FLI1: variants seen among roughly 807,000 people sequenced by gnomAD.
FLI1 encodes Friend leukemia integration 1 transcription factor.
FLI1 carries 13 observed loss-of-function variants against 53.1 expected under a neutral mutation model. The ratio of observed to expected loss-of-function variants is 0.24; its 90% CI spans 0.16 to 0.39. The LOEUF (loss-of-function observed/expected upper bound fraction) is 0.39. Among genes scored for constraint, FLI1 ranks in the 10% least tolerant of loss-of-function variants. The pLI, the probability that FLI1 is intolerant of heterozygous loss-of-function variation, is 1.00. For synonymous variants in FLI1, 244 were observed against 236.7 expected (o/e 1.03, Z -0.28); for missense variants, 424 against 600.5 (o/e 0.71, Z 3.07).
At chr11:128,774,415 G>T (rs1445037437) in intron 4 of FLI1, among the ~76,000 whole-genome samples, 1 of 152,184 alleles carries the variant, frequency 6.6e-6, no homozygotes, top group South Asian at 2.1e-4. Flanking sequence ...CAGAGCTTTG[G>T]ATAATTAGCA....
chr11:128,799,818 G>A (rs1305162624), intron 5 of FLI1, among the ~76,000 whole-genome samples: 1 of 152,182 alleles, frequency 6.6e-6, no homozygotes, highest in African/African-American at 2.4e-5. Flanking sequence ...GGAACGCTTA[G>A]AGGAGAGCAG....
chr11:128,799,025 A>T (rs1467188631), intron 5 of FLI1, among the ~76,000 whole-genome samples: 3 of 130,306 alleles, frequency 2.3e-5, no homozygotes, highest in Non-Finnish European at 4.9e-5. Context: ...TTATTATATT[A>T]TTATTATTAT....
Position 128,810,459 on chromosome 11 carries a change from G to A in FLI1, c.830G>A (p.Gly277Glu). The A allele has an allele frequency of 6.3e-7, 1 of 1,589,986 alleles. No homozygotes were observed. Among genetic ancestry groups the A allele is most frequent in the Admixed American group, 1.8e-5 (1 of 56,676 alleles). Residue 277 changes from glycine (G) to glutamate (E), a missense_variant and splice_region_variant, in exon 9 of 9, where the codon GGA (glycine) becomes GAA (glutamate). Coordinates refer to ENST00000527786, the MANE Select transcript of FLI1 (RefSeq NM_002017.5). The surrounding 1 kb of genome is among the most constrained non-coding windows in gnomAD (Gnocchi z 6.6). ...CTCCCGTTTGCCTCACGGCGTGCAG[G>A]AAGCGGGCAGATCCAGCTGTGGCAA... ...GPTSSRLANP[G>E]SGQIQLWQFL...
At chr11:128,690,393 GC>G (rs1937688722), upstream of FLI1, among the ~76,000 whole-genome samples, 1 of 152,106 alleles carries the variant, frequency 6.6e-6, no homozygotes, top group African/African-American at 2.4e-5. Flanking sequence ...AAGTGACGGA[GC>G]CACCCCTGGG....
At chr11:128,789,840 T>C (rs983973285) in intron 5 of FLI1, among the ~76,000 whole-genome samples, 1 of 152,188 alleles carries the variant, frequency 6.6e-6, no homozygotes, top group African/African-American at 2.4e-5. Context: ...TAATCTCCTG[T>C]TATTTTTAGG....
At chr11:128,794,441 C>T (rs1334690062) in intron 5 of FLI1, among the ~76,000 whole-genome samples, 4 of 152,170 alleles carry the variant, frequency 2.6e-5, no homozygotes, top group African/African-American at 7.2e-5. Context: ...TTCTCATCAA[C>T]CAAATTCTTT....
At chr11:128,697,345 A>G (rs755206394) in intron 1 of FLI1, among the ~76,000 whole-genome samples, 5 of 152,228 alleles carry the variant, frequency 3.3e-5, no homozygotes, top group Non-Finnish European at 7.3e-5. Context: ...ATAGAGAATG[A>G]ACAGTGGATT....
intron 1 of FLI1, among the ~76,000 whole-genome samples, chr11:128,746,195 TG>T (rs1940381283): frequency 6.6e-6 from 1 of 152,170 alleles, no homozygotes; most frequent in Non-Finnish European, 1.5e-5. Context: ...CTTAATTCAT[TG>T]CACACTTCTT....
At chr11:128,748,593 T>C in intron 1 of FLI1, among the ~76,000 whole-genome samples, 1 of 151,254 alleles carries the variant, frequency 6.6e-6, no homozygotes, top group East Asian at 1.9e-4. Flanking sequence ...AGATCGCGCC[T>C]CTGCACTCCA....
chr11:128,802,781 G>T (rs537966387), intron 5 of FLI1, among the ~76,000 whole-genome samples: 1 of 152,336 alleles, frequency 6.6e-6, no homozygotes, highest in South Asian at 2.1e-4. Context: ...CTTTAACCAG[G>T]CTCCATCACT....
At chr11:128,714,075 A>T in intron 1 of FLI1, among the ~76,000 whole-genome samples, 1 of 152,208 alleles carries the variant, frequency 6.6e-6, no homozygotes, top group East Asian at 1.9e-4. Context: ...CTATAGGTTA[A>T]TATGCCTTTA....
chr11:128,810,884 G>T lies in FLI1; in HGVS notation c.1255G>T (p.Ala419Ser), dbSNP rs186156572. The change falls in exon 9 of 9, where the codon GCA (alanine) becomes TCA (serine). Residue 419 changes from alanine to serine, a missense_variant. Around this residue, in one of 5 missense-constraint regions of FLI1, gnomAD observed 87 missense variants for 100.0 expected, o/e 0.87. Transcript: ENST00000527786. The surrounding 1 kb of genome is among the most constrained non-coding windows in gnomAD (Gnocchi z 6.6). ...PVTSSSFFGA[A>S]SQYWTSPTGG... The stretch of plus-strand genomic sequence containing the variant: ...CACTTCCTCCAGCTTCTTTGGAGCC[G>T]CATCACAATACTGGACCTCCCCCAC... 1.2e-6 allele frequency: 2 copies of T among 1,613,944 alleles called. No homozygotes were observed. Among genetic ancestry groups the T allele is most frequent in the African/African-American group, 2.7e-5 (2 of 75,016 alleles).
chr11:128,757,100 CTT>C (rs1565484405), intron 1 of FLI1, among the ~76,000 whole-genome samples: 1,994 of 133,868 alleles, frequency 0.015, 41 homozygotes, highest in Admixed American at 0.041. Flanking sequence ...TTCTTTCTTT[CTT>C]TCTTTCTTTC....
intron 1 of FLI1, among the ~76,000 whole-genome samples, chr11:128,720,862 C>T (rs555333989): frequency 1.3e-5 from 2 of 152,318 alleles, no homozygotes; most frequent in South Asian, 2.1e-4. Flanking sequence ...AGGCCCTCTG[C>T]GCCTTCTCTG....
chr11:128,687,004 G>C (rs915379889), intron 1 of FLI1: 2 of 159,140 alleles, frequency 1.3e-5, no homozygotes, highest in African/African-American at 2.4e-5. Context: ...CAACGGGTGG[G>C]GTGCTCTGAG....
rs1942935023 is a variant in FLI1, at chr11:128,811,473, A to G, written c.*485A>G. 1 of 236,320 alleles carries G rather than the reference A, an allele frequency of 4.2e-6. No homozygotes were observed. Among genetic ancestry groups the G allele is most frequent in the African/African-American group, 2.2e-5 (1 of 44,808 alleles). 14.6% of individuals were successfully genotyped at this position (236,320 alleles called of 1,614,324 possible). ...AGGAGGACCAAATTCAGTGGATGGC[A>G]ACTGGAACATTGATTGTAAGGCCAG... On this transcript the variant is annotated 3_prime_UTR_variant, in exon 9 of 9. Transcript: ENST00000527786.
chr11:128,765,652 C>A (rs954063331), intron 2 of FLI1, among the ~76,000 whole-genome samples: 1 of 152,120 alleles, frequency 6.6e-6, no homozygotes, highest in African/African-American at 2.4e-5. Context: ...GGCCGCCTGC[C>A]AATGAAAACC....
chr11:128,713,303 G>A (rs1938866035), intron 1 of FLI1, among the ~76,000 whole-genome samples: 1 of 152,218 alleles, frequency 6.6e-6, no homozygotes, highest in Non-Finnish European at 1.5e-5. Context: ...TCAATAGTTT[G>A]ACAGTTCTGC....
At position 128,790,093 on chromosome 11, in the gene FLI1, T is replaced by TGTGTGC. The variant is rs1555123870; in HGVS notation, c.655+8073_655+8074insTGCGTG. On this transcript the variant is annotated intron_variant, in intron 5 of 8. Coordinates refer to ENST00000527786, the MANE Select transcript of FLI1 (RefSeq NM_002017.5). ...GCGTGTGTGTGTGTGTGTGTGTGTG[T>TGTGTGC]GTGCACGCGTGCTGTTTCTGTGGTC... 4.3e-3 allele frequency among the ~76,000 whole-genome samples: 646 copies of TGTGTGC among 151,514 alleles called. 6 individuals are homozygous for TGTGTGC. Among genetic ancestry groups the TGTGTGC allele is most frequent in the African/African-American group, 0.015 (616 of 40,994 alleles).
Sources: gnomAD v4.1 joint callset for allele counts (sites outside exome capture counted in the v4.1 genomes callset) on GRCh38, gnomAD v4.1.1 for gene constraint, gnomAD v4.1.1 regional missense constraint, Gnocchi (gnomAD v3.1) non-coding constraint, MANE v1.5 for transcripts, NCBI Gene and HGNC (gene_info 2026-07-23, HGNC 2026-07-21) for gene names.